Variants in PLEKHA6 observed in about 807,000 individuals in gnomAD.
The protein encoded by PLEKHA6 is pleckstrin homology domain-containing family A member 6.
A neutral mutation model predicts 116.7 loss-of-function variants in PLEKHA6; 60 were observed. The observed-to-expected ratio is 0.51, with a 90% confidence interval of 0.42 to 0.64. The LOEUF (loss-of-function observed/expected upper bound fraction) is 0.64, where lower values mean the gene tolerates loss of function less well. Among genes scored for constraint, PLEKHA6 ranks in the 30% least tolerant of loss-of-function variants. The pLI, the probability that PLEKHA6 is intolerant of heterozygous loss-of-function variation, is 0.00. For synonymous variants in PLEKHA6, 489 were observed against 556.1 expected, an observed-to-expected ratio of 0.88 and a Z score of 1.70; for missense variants, 1,338 against 1,422.7, an observed-to-expected ratio of 0.94 and a Z score of 0.96.
chr1:204,306,701 A>T (rs1212379131), intron 1 of PLEKHA6, among the ~76,000 whole-genome samples: 3 of 152,146 alleles, frequency 2.0e-5, no homozygotes, highest in Non-Finnish European at 4.4e-5. Context: ...GATACCGGGG[A>T]CTCCAAAATG....
chr1:204,287,261 G>A (rs1401151892), intron 1 of PLEKHA6, among the ~76,000 whole-genome samples: 5 of 150,194 alleles, frequency 3.3e-5, no homozygotes, highest in Non-Finnish European at 7.4e-5. Context: ...AATCACGTGG[G>A]CATTCATGAG....
chr1:204,312,520 C>T (rs537116854), intron 1 of PLEKHA6, among the ~76,000 whole-genome samples: 43 of 152,306 alleles, frequency 2.8e-4, no homozygotes, highest in Non-Finnish European at 4.6e-4. Context: ...ACTACAGGGC[C>T]GGGATGCTCA....
intron 1 of PLEKHA6, among the ~76,000 whole-genome samples, chr1:204,295,575 C>A (rs1206657989): frequency 6.6e-6 from 1 of 151,824 alleles, no homozygotes; most frequent in African/African-American, 2.4e-5. Context: ...AGTCCTTGTT[C>A]TCTTGGGGCC....
At chr1:204,248,470 C>G (rs551552859) in intron 12 of PLEKHA6, among the ~76,000 whole-genome samples, 7 of 152,132 alleles carry the variant, frequency 4.6e-5, no homozygotes, top group African/African-American at 1.7e-4. Flanking sequence ...AGCCTTTTTG[C>G]CAGTGCTTTG....
chr1:204,239,600 A>G (rs1390052524), intron 17 of PLEKHA6, among the ~76,000 whole-genome samples: 1 of 152,212 alleles, frequency 6.6e-6, no homozygotes, highest in Non-Finnish European at 1.5e-5. Context: ...TGCAGCTAAA[A>G]AAAAGTGTGG....
intron 1 of PLEKHA6, among the ~76,000 whole-genome samples, chr1:204,372,859 C>T (rs1572239010): frequency 6.6e-6 from 1 of 151,066 alleles, no homozygotes; most frequent in East Asian, 1.9e-4. Context: ...AGGAATCATA[C>T]AATCATACAA....
At chr1:204,297,134 G>A in intron 1 of PLEKHA6, 2 of 982,376 alleles carry the variant, frequency 2.0e-6, no homozygotes, top group Non-Finnish European at 2.4e-6. Flanking sequence ...CGAATCAGAT[G>A]GAGAAAGTCA....
intron 1 of PLEKHA6, among the ~76,000 whole-genome samples, chr1:204,291,946 G>C (rs1340279338): frequency 6.6e-6 from 1 of 152,148 alleles, no homozygotes; most frequent in Non-Finnish European, 1.5e-5. Context: ...GCCTTCAATT[G>C]AGACATTAAA....
Position 204,228,193 on chromosome 1 carries a change from G to C in PLEKHA6, c.2921C>G (p.Ser974Cys), listed in dbSNP as rs1382861190. ...QNVVPIGEGD[S>C]VDVPQDSESQ... is the part of the protein sequence containing the mutation. ...CTCTGAGTCCTGGGGCACGTCCACA[G>C]AGTCCCCCTCGCCGATGGGCACCAC... is the stretch of plus-strand genomic sequence containing the variant. Residue 974 changes from serine to cysteine, a missense_variant, in exon 21 of 23, where the codon TCT becomes TGT. Around this residue, in one of 3 missense-constraint regions of PLEKHA6, gnomAD observed 1,136 missense variants for 1,163.6 expected, o/e 0.98. Coordinates refer to ENST00000272203, the MANE Select transcript of PLEKHA6 (RefSeq NM_014935.5). The surrounding 1 kb of genome is among the most constrained non-coding windows in gnomAD (Gnocchi z 4.0). The C allele has an allele frequency of 3.7e-6, 6 of 1,611,558 alleles. 1 individual carries two copies. Among genetic ancestry groups the C allele is most frequent in the Non-Finnish European group, 4.2e-6 (5 of 1,178,290 alleles).
intron 3 of PLEKHA6, among the ~76,000 whole-genome samples, chr1:204,367,236 A>G (rs1192057473): frequency 6.6e-6 from 1 of 152,156 alleles, no homozygotes; most frequent in East Asian, 1.9e-4. Flanking sequence ...GCAGGAAATA[A>G]GGGCTCCCCA....
rs116788645 is a variant in PLEKHA6 at position 204,268,295 on chromosome 1, G to C, written c.120C>G (p.Arg40=). ...RPSVRATRTA[R]KAVAFGKRSH... is the part of the protein sequence containing the mutation. ...AGCGCTTGCCAAAGGCGACGGCTTT[G>C]CGGGCTGTGCGAGTTGCCTGGGGGC... Residue 40 remains arginine (R), a synonymous_variant, in exon 4 of 23, where the codon CGC becomes CGG. Transcript: ENST00000272203. 3.8e-5 allele frequency: 61 copies of C among 1,608,948 alleles called. No individual in the cohort carries two copies. The African/African-American group carries it at 7.6e-4, about 20-fold the overall frequency.
chr1:204,364,823 C>T (rs189526264), upstream of PLEKHA6, among the ~76,000 whole-genome samples: 9 of 152,266 alleles, frequency 5.9e-5, no homozygotes, highest in African/African-American at 1.7e-4. Flanking sequence ...CCTCTGAATC[C>T]GAAACTCTAG....
At chr1:204,267,950 G>T (rs1667017498) in intron 4 of PLEKHA6, among the ~76,000 whole-genome samples, 1 of 151,426 alleles carries the variant, frequency 6.6e-6, no homozygotes, top group Admixed American at 6.6e-5. Flanking sequence ...TGGGGTTGGG[G>T]ATTCAGCATG....
rs1665078335 is a variant in PLEKHA6, at chr1:204,254,949, G to T, written c.1524+2404C>A. ...CCCTTAGCTTAAAAGACAAGAAAGG[G>T]TTAGAACCCCGGAGCAGAGACCAGG... On this transcript the variant is annotated intron_variant, in intron 9 of 22. Coordinates refer to ENST00000272203, the MANE Select transcript of PLEKHA6 (RefSeq NM_014935.5). 2.0e-5 allele frequency among the ~76,000 whole-genome samples: 3 copies of T among 152,088 alleles called. No homozygotes were observed. In the South Asian group the frequency reaches 6.2e-4, roughly 32 times the overall value.
rs189510543 is a variant in PLEKHA6, at chr1:204,255,727, A to G, written c.1524+1626T>C. The G allele has an allele frequency of 2.9e-3, 1,998 of 700,222 alleles. 11 individuals are homozygous for G. Among genetic ancestry groups the G allele is most frequent in the Non-Finnish European group, 4.0e-3 (1,526 of 384,302 alleles). The allele number at this position is 700,222 out of a possible 1,614,324, so 43.4% of individuals were successfully genotyped here. On this transcript the variant is annotated intron_variant, in intron 9 of 22. Coordinates refer to ENST00000272203, the MANE Select transcript of PLEKHA6 (RefSeq NM_014935.5). ...AGGCCAAACAGCAACACAAACAAAC[A>G]GGAACACACAAAAGAAAACAATAAA... is the stretch of plus-strand genomic sequence containing the variant.
chr1:204,288,282 G>A (rs998627642), intron 1 of PLEKHA6, among the ~76,000 whole-genome samples: 2 of 152,194 alleles, frequency 1.3e-5, no homozygotes, highest in Non-Finnish European at 2.9e-5. Context: ...GCCAGCCGGA[G>A]CTGGCTGATG....
At chr1:204,244,064 A>G (rs974911491) in intron 15 of PLEKHA6, among the ~76,000 whole-genome samples, 4 of 151,388 alleles carry the variant, frequency 2.6e-5, no homozygotes, top group Non-Finnish European at 4.4e-5. Flanking sequence ...CTCGTGATCC[A>G]CCCACCTCAG....
At chr1:204,288,168 G>A (rs540933173) in intron 1 of PLEKHA6, among the ~76,000 whole-genome samples, 1 of 152,228 alleles carries the variant, frequency 6.6e-6, no homozygotes, top group African/African-American at 2.4e-5. Flanking sequence ...TGAGGAGTAG[G>A]GAGAAGGTTT....
At chr1:204,360,680 A>C (rs954471762), upstream of PLEKHA6, among the ~76,000 whole-genome samples, 5 of 152,206 alleles carry the variant, frequency 3.3e-5, no homozygotes, top group African/African-American at 1.2e-4. Context: ...AGTTGTTCTA[A>C]TAATAAACAA....
Sources: allele counts gnomAD v4.1 joint callset (sites outside exome capture counted in the v4.1 genomes callset), GRCh38; gene constraint gnomAD v4.1.1; regional missense constraint gnomAD v4.1.1; non-coding constraint Gnocchi (gnomAD v3.1); transcripts MANE v1.5; gene names NCBI Gene and HGNC (gene_info 2026-07-23, HGNC 2026-07-21).